The following ALG14 variants were observed in gnomAD, a reference collection of about 807,000 sequenced individuals.
ALG14 encodes UDP-N-acetylglucosamine transferase subunit ALG14.
A neutral mutation model predicts 22.8 loss-of-function variants in ALG14; 17 were observed. The observed-to-expected ratio is 0.75, with a 90% CI of 0.51 to 1.12. The LOEUF (loss-of-function observed/expected upper bound fraction) is 1.12. Ranked by LOEUF, ALG14 falls within the 50% of genes most tolerant of loss-of-function variation. The pLI, the probability that ALG14 is intolerant of heterozygous loss-of-function variation, is 0.00. For missense variants in ALG14, 288 were observed against 271.8 expected, an observed-to-expected ratio of 1.06 and a Z score of -0.42; for synonymous variants, 89 against 103.7, an observed-to-expected ratio of 0.86 and a Z score of 0.86.
chr1:95,013,306 G>A (rs2100752114), intron 3 of ALG14, among the ~76,000 whole-genome samples: 1 of 151,782 alleles, frequency 6.6e-6, no homozygotes, highest in Admixed American at 6.6e-5. Context: ...CTCTTTTGAT[G>A]GAAATAAGTT....
At chr1:95,059,530 C>T (rs1256667768) in intron 2 of ALG14, among the ~76,000 whole-genome samples, 4 of 151,114 alleles carry the variant, frequency 2.6e-5, no homozygotes, top group African/African-American at 9.7e-5. Context: ...TGTGATCACC[C>T]AGGAGCTAAA....
intron 3 of ALG14, among the ~76,000 whole-genome samples, chr1:95,005,203 C>G (rs1481071807): frequency 6.6e-6 from 1 of 152,154 alleles, no homozygotes; most frequent in African/African-American, 2.4e-5. Context: ...AAAAGGCAAT[C>G]GTTACTCTAG....
At chr1:95,037,137 T>C (rs1426588641) in intron 2 of ALG14, among the ~76,000 whole-genome samples, 1 of 152,190 alleles carries the variant, frequency 6.6e-6, no homozygotes, top group Non-Finnish European at 1.5e-5. Context: ...TGCACATTTA[T>C]TCTCTCTCAG....
At chr1:95,007,058 G>T (rs529218279) in intron 3 of ALG14, among the ~76,000 whole-genome samples, 1 of 152,234 alleles carries the variant, frequency 6.6e-6, no homozygotes, top group African/African-American at 2.4e-5. Flanking sequence ...CTCTGCACAG[G>T]CAGTGAGATC....
intron 2 of ALG14, chr1:95,061,555 T>G (rs1182718926): frequency 1.3e-5 from 2 of 151,314 alleles, no homozygotes; most frequent in African/African-American, 4.9e-5. Flanking sequence ...GTTCTAGGAG[T>G]GGGTCCTGAT....
chr1:95,033,778 C>T (rs1674100072), intron 2 of ALG14, among the ~76,000 whole-genome samples: 1 of 152,166 alleles, frequency 6.6e-6, no homozygotes, highest in African/African-American at 2.4e-5. Flanking sequence ...CAATTCAAGT[C>T]ATTACCATCT....
intron 2 of ALG14, among the ~76,000 whole-genome samples, chr1:95,051,172 T>A (rs1453171836): frequency 6.6e-6 from 1 of 152,124 alleles, no homozygotes; most frequent in Non-Finnish European, 1.5e-5. Flanking sequence ...ACATCTTCTC[T>A]CGTATGTTTA....
rs189181863 is a variant in ALG14, at chr1:95,034,999, G to A, written c.289-7739C>T. 1.8e-3 allele frequency among the ~76,000 whole-genome samples: 280 copies of A among 152,092 alleles called. 1 individual carries two copies. Among genetic ancestry groups the A allele is most frequent in the Middle Eastern group, 3.4e-3 (1 of 294 alleles). On this transcript the variant is annotated intron_variant, in intron 2 of 3. Transcript: ENST00000370205. The stretch of plus-strand genomic sequence containing the variant: ...CCAGTGACCGCCCGCCACCTACCCC[G>A]ACACATTCCCTAAGCCTTTTAGGGG...
chr1:95,052,033 C>T (rs1337930177), intron 2 of ALG14, among the ~76,000 whole-genome samples: 1 of 152,168 alleles, frequency 6.6e-6, no homozygotes, highest in African/African-American at 2.4e-5. Context: ...GTATTCCTAA[C>T]ACTTAGTAGG....
At position 94,982,145 on chromosome 1, in the gene ALG14, A is replaced by T; in HGVS notation, c.*931T>A. The T allele has an allele frequency of 1.4e-5, 2 of 141,252 alleles. No homozygotes were observed. The highest frequency in any genetic ancestry group is 2.7e-5 in the African/African-American group (1 of 37,724). The allele number at this position is 141,252 out of a possible 1,614,324, so 8.7% of individuals were successfully genotyped here. ...GTTTTTTTTTTTTTTTTTTGAGACG[A>T]AGTTTCACTCTTGTCACCCAGGCTG... On this transcript the variant is annotated 3_prime_UTR_variant, in exon 4 of 4. Coordinates refer to ENST00000370205, the MANE Select transcript of ALG14 (RefSeq NM_144988.4).
At chr1:95,055,231 T>A (rs1674885597) in intron 2 of ALG14, among the ~76,000 whole-genome samples, 1 of 152,158 alleles carries the variant, frequency 6.6e-6, no homozygotes, top group African/African-American at 2.4e-5. Context: ...GGTGTAAGGA[T>A]TAGAAAGAAT....
intron 2 of ALG14, among the ~76,000 whole-genome samples, chr1:95,061,365 G>C (rs766158792): frequency 9.2e-5 from 14 of 152,166 alleles, no homozygotes; most frequent in Non-Finnish European, 1.5e-4. Context: ...CTGAATGATA[G>C]CAAGCAGATT....
At position 95,064,886 on chromosome 1, in the gene ALG14, C is replaced by G; in HGVS notation, c.268G>C (p.Asp90His). 6.2e-7 allele frequency: 1 copy of G among 1,613,306 alleles called. No individual in the cohort carries two copies. Among genetic ancestry groups the G allele is most frequent in the South Asian group, 1.1e-5 (1 of 90,960 alleles). ...CTTACCATGTTACTAGGGTCTCTAT[C>G]AGCTCGATCTAGTTCAAAAGAATTT... Reference protein sequence around the residue: ...KINSFELDRADRDPSNMYTKY... With the variant: ...KINSFELDRAHRDPSNMYTKY... Residue 90 changes from aspartate (D) to histidine (H), a missense_variant, in exon 2 of 4, where the codon GAT becomes CAT. Asp to His is a moderately conservative substitution (Grantham distance 81). Transcript: ENST00000370205.
chr1:95,021,935 G>T (rs894618398), intron 3 of ALG14, among the ~76,000 whole-genome samples: 9 of 152,116 alleles, frequency 5.9e-5, no homozygotes, highest in Non-Finnish European at 1.2e-4. Flanking sequence ...AAACACATTG[G>T]CTTTCACCTT....
intron 2 of ALG14, among the ~76,000 whole-genome samples, chr1:95,028,568 A>T (rs977324084): frequency 1.3e-5 from 2 of 152,206 alleles, no homozygotes; most frequent in African/African-American, 4.8e-5. Context: ...CTGTAATGCG[A>T]GCACTCTGGG....
intron 2 of ALG14, among the ~76,000 whole-genome samples, chr1:95,055,747 CTG>C (rs939820813): frequency 6.8e-6 from 1 of 147,848 alleles, no homozygotes; most frequent in Non-Finnish European, 1.5e-5. Flanking sequence ...AATCCCAGCA[CTG>C]TGGGAGGCCC....
At position 95,072,802 on chromosome 1, in the gene ALG14, G is replaced by A; in HGVS notation, c.97C>T (p.Pro33Ser). Residue 33 changes from proline to serine, a missense_variant, in exon 1 of 4, where the codon CCC becomes TCC. Physicochemically the swap from Pro to Ser is moderately conservative, Grantham distance 74. Coordinates refer to ENST00000370205, the MANE Select transcript of ALG14 (RefSeq NM_144988.4). ...WVVLRSMDVT[P>S]RESLSILVVA... ...ACCAAGATACTGAGAGACTCCCGGG[G>A]CGTAACGTCCATGGAACGAAGCACT... The A allele has an allele frequency of 3.1e-6, 5 of 1,614,140 alleles. No homozygotes were observed. The highest frequency in any genetic ancestry group is 1.3e-5 in the African/African-American group (1 of 75,012).
chr1:95,064,792 T>G, intron 2 of ALG14, 74 bp downstream of exon 2: 5,075 of 1,408,622 alleles, frequency 3.6e-3, no homozygotes, highest in Non-Finnish European at 4.5e-3. Flanking sequence ...TGAAGTGCCA[T>G]GAGATTATTA....
chr1:95,033,225 T>C (rs1029747607), intron 2 of ALG14, among the ~76,000 whole-genome samples: 8 of 151,844 alleles, frequency 5.3e-5, no homozygotes, highest in Non-Finnish European at 8.8e-5. Context: ...TACCTCCCAC[T>C]CCCAGAACTA....
Sources: gnomAD v4.1 joint callset for allele counts (sites outside exome capture counted in the v4.1 genomes callset) on GRCh38, gnomAD v4.1.1 for gene constraint, MANE v1.5 for transcripts, NCBI Gene and HGNC (gene_info 2026-07-23, HGNC 2026-07-21) for gene names.